Variants in BLOC1S5 observed in about 807,000 individuals in gnomAD.
BLOC1S5 encodes biogenesis of lysosomal organelles complex 1 subunit 5, also known as biogenesis of lysosome-related organelles complex 1 subunit 5.
Under a neutral mutation model 24.3 loss-of-function variants are expected in BLOC1S5, and 27 were observed. The observed-to-expected ratio is 1.11, with a 90% CI of 0.82 to 1.53. BLOC1S5 has a LOEUF of 1.53. BLOC1S5 is among the 40% of genes most tolerant of loss of function. The probability of loss-of-function intolerance (pLI) is 0.00; values close to 1 mark genes in which losing one functional copy is unlikely to be tolerated. For synonymous variants in BLOC1S5, 84 were observed against 74.5 expected, an observed-to-expected ratio of 1.13 and a Z score of -0.66; for missense variants, 239 against 229.4, an observed-to-expected ratio of 1.04 and a Z score of -0.27.
chr6:8,058,292 G>C (rs1223310768), intron 2 of BLOC1S5, among the ~76,000 whole-genome samples: 1 of 144,998 alleles, frequency 6.9e-6, no homozygotes, highest in African/African-American at 2.5e-5. Context: ...GACTGGGGTA[G>C]GAGGATCAAT....
intron 2 of BLOC1S5, among the ~76,000 whole-genome samples, chr6:8,046,755 T>C (rs1159103667): frequency 6.8e-6 from 1 of 148,142 alleles, no homozygotes; most frequent in South Asian, 2.1e-4. Context: ...TATTTCAACC[T>C]GTATCTTTTT....
At chr6:8,047,703 A>T (rs909100215) in intron 2 of BLOC1S5, among the ~76,000 whole-genome samples, 3 of 152,140 alleles carry the variant, frequency 2.0e-5, no homozygotes, top group Non-Finnish European at 2.9e-5. Flanking sequence ...CCATGGTGTA[A>T]TTTAACATAC....
intron 2 of BLOC1S5, among the ~76,000 whole-genome samples, chr6:8,050,523 G>A (rs1764070047): frequency 6.6e-6 from 1 of 152,022 alleles, no homozygotes; most frequent in African/African-American, 2.4e-5. Context: ...AGTGAAGAAT[G>A]CATGTTGAAA....
chr6:8,037,643 C>T (rs7765935), intron 3 of BLOC1S5, among the ~76,000 whole-genome samples: 23,811 of 152,030 alleles, frequency 0.16, 1,939 homozygotes, highest in Admixed American at 0.19. Context: ...TACAGAATCA[C>T]GAAAGACCCT....
Position 8,014,639 on chromosome 6 carries a change from A to C in BLOC1S5, c.*1010T>G, listed in dbSNP as rs1461599426. The C allele has an allele frequency of 6.6e-6, 1 of 152,192 alleles. No homozygotes were observed. The highest frequency in any genetic ancestry group is 1.5e-5 in the Non-Finnish European group (1 of 68,024). 9.4% of individuals were successfully genotyped at this position (152,192 alleles called of 1,614,324 possible). On this transcript the variant is annotated 3_prime_UTR_variant, in exon 5 of 5. Coordinates refer to ENST00000397457, the MANE Select transcript of BLOC1S5 (RefSeq NM_201280.3). ...TGATGACAGAACTGGTACATGTTTC[A>C]TCATAATATACCTGCTTATGAGAAC...
At chr6:8,016,876 C>CAAA (rs36179729) in intron 4 of BLOC1S5, among the ~76,000 whole-genome samples, 41,337 of 97,172 alleles carry the variant, frequency 0.43, 9,781 homozygotes, top group East Asian at 0.79. Flanking sequence ...TACTCTATCT[C>CAAA]AAAAAAAAAA....
At chr6:8,057,024 C>G (rs1233067582) in intron 2 of BLOC1S5, among the ~76,000 whole-genome samples, 1 of 152,108 alleles carries the variant, frequency 6.6e-6, no homozygotes, top group East Asian at 1.9e-4. Flanking sequence ...CAAGACCAGC[C>G]TGGCCAACAT....
chr6:8,022,592 C>CTTTTTTTT (rs58841716), intron 4 of BLOC1S5, among the ~76,000 whole-genome samples: 10 of 92,162 alleles, frequency 1.1e-4, no homozygotes, highest in African/African-American at 4.1e-4. Context: ...TTTTTTTTTT[C>CTTTTTTTT]TTTTTTTTTT....
At chr6:8,064,182 G>T in intron 1 of BLOC1S5, 83 bp downstream of exon 1, 1 of 1,186,860 alleles carries the variant, frequency 8.4e-7, no homozygotes. Flanking sequence ...GGGACCCGGG[G>T]GTCGGCCCGG....
intron 2 of BLOC1S5, 87 bp downstream of exon 2, chr6:8,062,447 G>T: frequency 2.4e-6 from 2 of 830,976 alleles, no homozygotes; most frequent in South Asian, 2.0e-5. Context: ...ACTAAAATCC[G>T]ATTTTAAAAC....
In BLOC1S5 at chr6:8,064,366, C is replaced by G; in HGVS notation, c.11G>C (p.Gly4Ala). The G allele has an allele frequency of 6.2e-7, 1 of 1,610,338 alleles. No individual in the cohort carries two copies. The highest frequency in any genetic ancestry group is 8.5e-7 in the Non-Finnish European group (1 of 1,179,698). Residue 4 changes from glycine to alanine, a missense_variant, in exon 1 of 5, where the codon GGA (glycine) becomes GCA (alanine). By Grantham distance (60) the Gly-to-Ala change is moderately conservative (BLOSUM62 0). Transcript: ENST00000397457. ...ACAACCCACAGGGGTCTCTGTCCCT[C>G]CGCCACTCATCCCGACCAGTTCCGC... MSGGGTETPVGCEA... is the reference protein window; with the variant it reads MSGAGTETPVGCEA...
chr6:8,023,711 C>T lies in BLOC1S5; in HGVS notation c.384+2656G>A, dbSNP rs1763004552. Among the ~76,000 whole-genome samples, 2 of 152,158 alleles carry T rather than the reference C, an allele frequency of 1.3e-5. 1 individual carries two copies. Among genetic ancestry groups the T allele is most frequent in the Admixed American group, 1.3e-4 (2 of 15,278 alleles). ...TATGCAATAGTATAACCAAGGGCAA[C>T]AATTAACATTAGGTTGTAAAATGCA... is the stretch of plus-strand genomic sequence containing the variant. On this transcript the variant is annotated intron_variant, in intron 4 of 4. Transcript: ENST00000397457.
chr6:8,057,171 A>G (rs1581435568), intron 2 of BLOC1S5, among the ~76,000 whole-genome samples: 1 of 152,158 alleles, frequency 6.6e-6, no homozygotes, highest in African/African-American at 2.4e-5. Flanking sequence ...GTGAGTCGAG[A>G]TCGCACCATT....
At chr6:8,027,711 G>A (rs899934867) in intron 3 of BLOC1S5, among the ~76,000 whole-genome samples, 3 of 151,684 alleles carry the variant, frequency 2.0e-5, no homozygotes, top group Non-Finnish European at 4.4e-5. Context: ...GCACATGCCT[G>A]TAGTCCCAGC....
intron 3 of BLOC1S5, among the ~76,000 whole-genome samples, chr6:8,039,844 G>C (rs1416320335): frequency 6.6e-6 from 1 of 152,126 alleles, no homozygotes; most frequent in Non-Finnish European, 1.5e-5. Flanking sequence ...ATGGGACCAG[G>C]CTAAAACCAC....
intron 3 of BLOC1S5, 110 bp from the exon 4 acceptor site, chr6:8,026,535 A>C: frequency 1.2e-6 from 1 of 842,804 alleles, no homozygotes; most frequent in African/African-American, 1.7e-5. Context: ...GATCTCAAAA[A>C]ACTATGCAAA....
At chr6:8,056,138 C>T (rs907226637) in intron 2 of BLOC1S5, among the ~76,000 whole-genome samples, 2 of 152,210 alleles carry the variant, frequency 1.3e-5, no homozygotes, top group African/African-American at 4.8e-5. Flanking sequence ...TTGATAACTT[C>T]CCAGCCTCCA....
chr6:8,045,362 G>A (rs746523992), intron 2 of BLOC1S5, among the ~76,000 whole-genome samples: 1 of 152,242 alleles, frequency 6.6e-6, no homozygotes, highest in Non-Finnish European at 1.5e-5. Flanking sequence ...AAAGTTTGCT[G>A]CAGGAGTGGG....
intron 2 of BLOC1S5, among the ~76,000 whole-genome samples, chr6:8,044,328 A>C (rs1355545796): frequency 6.8e-6 from 1 of 146,766 alleles, no homozygotes; most frequent in African/African-American, 2.5e-5. Flanking sequence ...TTCGCCTCCC[A>C]CCATGATTCT....
Sources: allele counts gnomAD v4.1 joint callset (sites outside exome capture counted in the v4.1 genomes callset), GRCh38; gene constraint gnomAD v4.1.1; transcripts MANE v1.5; gene names NCBI Gene and HGNC (gene_info 2026-07-23, HGNC 2026-07-21).